The following ERBB4 variants were observed in gnomAD, a reference collection of about 807,000 sequenced individuals.
ERBB4 encodes the protein receptor tyrosine-protein kinase erbB-4.
In ERBB4, 42 loss-of-function variants were observed where a neutral mutation model predicts 158.0. The observed-to-expected ratio is 0.27, with a 90% CI of 0.21 to 0.34. ERBB4 has a LOEUF of 0.34. Ranked by LOEUF, ERBB4 falls within the 10% of genes least tolerant of loss-of-function variation. ERBB4 has a pLI of 1.00. For synonymous variants in ERBB4, 583 were observed against 558.7 expected, an observed-to-expected ratio of 1.04 and a Z score of -0.61; for missense variants, 1,333 against 1,624.1, an observed-to-expected ratio of 0.82 and a Z score of 3.08.
At chr2:212,170,382 T>G (rs1385232225) in intron 1 of ERBB4, among the ~76,000 whole-genome samples, 1 of 152,146 alleles carries the variant, frequency 6.6e-6, no homozygotes, top group Non-Finnish European at 1.5e-5. Flanking sequence ...GTATAAAAGT[T>G]TGGAAAATTT....
chr2:211,695,563 A>T (rs1030682365), intron 12 of ERBB4, among the ~76,000 whole-genome samples: 2 of 152,156 alleles, frequency 1.3e-5, no homozygotes, highest in African/African-American at 4.8e-5. Flanking sequence ...ATTTCAAGGG[A>T]TTCTCAAACA....
intron 1 of ERBB4, among the ~76,000 whole-genome samples, chr2:212,520,836 G>A (rs1047888181): frequency 4.6e-5 from 7 of 151,868 alleles, no homozygotes; most frequent in Admixed American, 3.3e-4. Context: ...AAGCATGTAC[G>A]GTTTTGTGGC....
At chr2:212,172,864 T>C (rs1224127391) in intron 1 of ERBB4, among the ~76,000 whole-genome samples, 1 of 152,118 alleles carries the variant, frequency 6.6e-6, no homozygotes, top group Non-Finnish European at 1.5e-5. Flanking sequence ...TGCGATGATT[T>C]GTGCAGTAAA....
Position 211,728,787 on chromosome 2 carries a change from T to C in ERBB4, c.623-3593A>G, listed in dbSNP as rs146380388. 4.6e-4 allele frequency among the ~76,000 whole-genome samples: 70 copies of C among 152,004 alleles called. 1 individual carries two copies. Among genetic ancestry groups the C allele is most frequent in the Non-Finnish European group, 1.3e-4 (9 of 67,744 alleles). ...AGACAGATATGTCTAAGTGTTACTT[T>C]TTATTTTTAACTCCATGGTGATTTA... On this transcript the variant is annotated intron_variant, in intron 5 of 27. Coordinates refer to ENST00000342788, the MANE Select transcript of ERBB4 (RefSeq NM_005235.3).
chr2:211,896,390 T>G (rs1269780912), intron 3 of ERBB4, among the ~76,000 whole-genome samples: 6 of 152,166 alleles, frequency 3.9e-5, no homozygotes, highest in African/African-American at 2.4e-5. Flanking sequence ...TCTTCCACAT[T>G]CATACTTAGT....
chr2:211,944,797 A>G (rs2080632917), intron 3 of ERBB4, among the ~76,000 whole-genome samples: 1 of 152,062 alleles, frequency 6.6e-6, no homozygotes, highest in African/African-American at 2.4e-5. Context: ...CTCATTCAGT[A>G]GGTTTCAGGT....
intron 1 of ERBB4, among the ~76,000 whole-genome samples, chr2:212,322,781 A>T (rs1425243095): frequency 6.6e-6 from 1 of 150,470 alleles, no homozygotes; most frequent in African/African-American, 2.4e-5. Context: ...TGGGGCTACA[A>T]ATAATTTTGA....
intron 3 of ERBB4, among the ~76,000 whole-genome samples, chr2:211,880,363 T>C (rs955140219): frequency 6.6e-6 from 1 of 152,188 alleles, no homozygotes; most frequent in African/African-American, 2.4e-5. Context: ...ATATCTTCCA[T>C]CTCTGGGAAC....
At chr2:211,879,713 T>C (rs1372268577) in intron 3 of ERBB4, among the ~76,000 whole-genome samples, 1 of 152,108 alleles carries the variant, frequency 6.6e-6, no homozygotes, top group East Asian at 1.9e-4. Context: ...GTCATACTTA[T>C]AATAGTAAAA....
chr2:212,129,498 T>A (rs2080043591), intron 1 of ERBB4, among the ~76,000 whole-genome samples: 1 of 151,748 alleles, frequency 6.6e-6, no homozygotes, highest in African/African-American at 2.4e-5. Flanking sequence ...AATATTCATT[T>A]AAATATTTGT....
intron 5 of ERBB4, among the ~76,000 whole-genome samples, chr2:211,728,583 G>A (rs933752225): frequency 2.0e-5 from 3 of 151,698 alleles, no homozygotes; most frequent in South Asian, 2.1e-4. Flanking sequence ...AAAGTGCTTC[G>A]ATGCATCAAC....
intron 5 of ERBB4, among the ~76,000 whole-genome samples, chr2:211,747,350 C>A (rs920884077): frequency 6.6e-6 from 1 of 152,112 alleles, no homozygotes; most frequent in Admixed American, 6.5e-5. Flanking sequence ...ATCCCTCCCA[C>A]CCCTCCTCCA....
At chr2:212,022,692 A>ATTTTTT (rs2076682799) in intron 2 of ERBB4, among the ~76,000 whole-genome samples, 2 of 152,154 alleles carry the variant, frequency 1.3e-5, no homozygotes, top group Admixed American at 6.6e-5. Context: ...CTTAAAAAAT[A>ATTTTTT]AAAAACATAA....
At chr2:212,052,640 G>A (rs578078772) in intron 2 of ERBB4, among the ~76,000 whole-genome samples, 63 of 152,250 alleles carry the variant, frequency 4.1e-4, no homozygotes, top group African/African-American at 1.3e-3. Context: ...ACACAGAAAT[G>A]GACCCTTTTG....
intron 1 of ERBB4, among the ~76,000 whole-genome samples, chr2:212,198,271 T>C (rs555422273): frequency 5.3e-5 from 8 of 152,160 alleles, no homozygotes; most frequent in Non-Finnish European, 8.8e-5. Flanking sequence ...TGGCATTAAG[T>C]ACATTCAAGT....
chr2:212,303,045 G>C (rs2086678103), intron 1 of ERBB4, among the ~76,000 whole-genome samples: 1 of 151,384 alleles, frequency 6.6e-6, no homozygotes, highest in Non-Finnish European at 1.5e-5. Flanking sequence ...TAGGGAGAAA[G>C]AAAGACCTAA....
At chr2:211,977,235 C>A (rs1454666860) in intron 2 of ERBB4, among the ~76,000 whole-genome samples, 2 of 152,048 alleles carry the variant, frequency 1.3e-5, no homozygotes, top group Non-Finnish European at 2.9e-5. Context: ...GATTTGCACC[C>A]TCAACACAGA....
intron 25 of ERBB4, among the ~76,000 whole-genome samples, chr2:211,402,915 AT>A (rs906709283): frequency 2.0e-5 from 3 of 151,804 alleles, no homozygotes; most frequent in African/African-American, 7.3e-5. Context: ...CCTCCTACAT[AT>A]TTTCTAACCT....
intron 3 of ERBB4, among the ~76,000 whole-genome samples, chr2:211,884,329 C>A (rs1006892312): frequency 2.6e-5 from 4 of 152,174 alleles, no homozygotes; most frequent in Admixed American, 2.0e-4. Context: ...GACTCTGAAA[C>A]ATGGCACGTC....
Sources: allele counts gnomAD v4.1 joint callset (sites outside exome capture counted in the v4.1 genomes callset), GRCh38; gene constraint gnomAD v4.1.1; transcripts MANE v1.5; gene names NCBI Gene and HGNC (gene_info 2026-07-23, HGNC 2026-07-21).